PCNX1: variants seen among roughly 807,000 people sequenced by gnomAD.
PCNX1 encodes the protein pecanex-like protein 1.
In PCNX1, 78 loss-of-function variants were observed where a neutral mutation model predicts 242.2. The ratio of observed to expected loss-of-function variants is 0.32; its 90% CI spans 0.27 to 0.39. The LOEUF (loss-of-function observed/expected upper bound fraction) is 0.39, where lower values mean the gene tolerates loss of function less well. Ranked by LOEUF, PCNX1 falls within the 10% of genes least tolerant of loss-of-function variation. The pLI is 1.00. For synonymous variants in PCNX1, 1,024 were observed against 1,032.9 expected (o/e 0.99, Z 0.17); for missense variants, 2,581 against 2,856.5 (o/e 0.90, Z 2.20).
intron 26 of PCNX1, among the ~76,000 whole-genome samples, chr14:71,066,319 G>A (rs983465944): frequency 6.6e-6 from 1 of 152,160 alleles, no homozygotes; most frequent in Admixed American, 6.5e-5. Flanking sequence ...TCCTTGAAGA[G>A]GACCTTCGCA....
chr14:71,105,827 C>T (rs1293303980), intron 33 of PCNX1, among the ~76,000 whole-genome samples: 1 of 151,276 alleles, frequency 6.6e-6, no homozygotes, highest in Non-Finnish European at 1.5e-5. Flanking sequence ...AGGCGTGAGC[C>T]ACCACACCCA....
At chr14:71,103,821 G>A (rs940632018) in intron 32 of PCNX1, 152 bp downstream of exon 32, 5 of 632,182 alleles carry the variant, frequency 7.9e-6, no homozygotes, top group African/African-American at 7.3e-5. Flanking sequence ...AGTAGAATCT[G>A]AGCATTCTTA....
At chr14:70,949,232 T>C (rs1233921210) in intron 2 of PCNX1, among the ~76,000 whole-genome samples, 1 of 128,268 alleles carries the variant, frequency 7.8e-6, no homozygotes, top group Non-Finnish European at 1.7e-5. Context: ...GATATATGTA[T>C]GTGTATATAC....
chr14:70,907,792 T>G lies in PCNX1; in HGVS notation c.-59T>G, dbSNP rs1204796390. 5.0e-6 allele frequency: 6 copies of G among 1,208,444 alleles called. No homozygotes were observed. Among genetic ancestry groups the G allele is most frequent in the Non-Finnish European group, 5.1e-6 (5 of 973,412 alleles). 74.9% of individuals were successfully genotyped at this position (1,208,444 alleles called of 1,614,324 possible). The stretch of plus-strand genomic sequence containing the variant: ...CAGGCTCCGGCGACCGAGGCCGAGC[T>G]GGGGCCGGGGCGGGGACGGCGGCGG... On this transcript the variant is annotated 5_prime_UTR_variant, in exon 1 of 36. Coordinates refer to ENST00000304743, the MANE Select transcript of PCNX1 (RefSeq NM_014982.3).
intron 8 of PCNX1, among the ~76,000 whole-genome samples, chr14:70,996,691 TGAA>T (rs1191076217): frequency 6.6e-6 from 1 of 152,158 alleles, no homozygotes; most frequent in African/African-American, 2.4e-5. Context: ...GTAAATATAA[TGAA>T]GAAAATCTAG....
intron 26 of PCNX1, among the ~76,000 whole-genome samples, chr14:71,065,325 A>T (rs143505437): frequency 6.6e-6 from 1 of 152,264 alleles, no homozygotes; most frequent in Non-Finnish European, 1.5e-5. Flanking sequence ...CTGGCTTGAG[A>T]TGGTATCTCA....
At chr14:71,065,584 A>G (rs1252289108) in intron 26 of PCNX1, among the ~76,000 whole-genome samples, 1 of 152,168 alleles carries the variant, frequency 6.6e-6, no homozygotes, top group Non-Finnish European at 1.5e-5. Context: ...GCTCACTCTA[A>G]TGATAGTTTC....
chr14:70,912,789 G>T (rs2055981864), intron 1 of PCNX1, among the ~76,000 whole-genome samples: 1 of 152,112 alleles, frequency 6.6e-6, no homozygotes, highest in African/African-American at 2.4e-5. Context: ...TACAGTTTGT[G>T]CAGTTTTCCC....
At chr14:70,989,615 C>T (rs780530476) in intron 7 of PCNX1, among the ~76,000 whole-genome samples, 6 of 149,528 alleles carry the variant, frequency 4.0e-5, no homozygotes, top group Admixed American at 6.8e-5. Context: ...CTGCAACCTC[C>T]GCCTCCCAAG....
chr14:70,950,718 G>T (rs575803094), intron 2 of PCNX1, among the ~76,000 whole-genome samples: 65 of 151,570 alleles, frequency 4.3e-4, no homozygotes, highest in African/African-American at 1.5e-3. Flanking sequence ...TAATATTCCC[G>T]TTTTTGAATT....
At chr14:71,043,193 G>A (rs1366291390) in intron 19 of PCNX1, among the ~76,000 whole-genome samples, 1 of 152,092 alleles carries the variant, frequency 6.6e-6, no homozygotes, top group Non-Finnish European at 1.5e-5. Flanking sequence ...TTCCTTGTAT[G>A]TAACTTAACC....
At chr14:70,949,496 C>A (rs1396524666) in intron 2 of PCNX1, among the ~76,000 whole-genome samples, 2 of 151,704 alleles carry the variant, frequency 1.3e-5, no homozygotes, top group African/African-American at 4.8e-5. Flanking sequence ...ACACCTTAAG[C>A]AAATTGTGAT....
chr14:71,013,426 A>G (rs1217825658), intron 11 of PCNX1, among the ~76,000 whole-genome samples: 1 of 152,158 alleles, frequency 6.6e-6, no homozygotes, highest in Non-Finnish European at 1.5e-5. Context: ...CAAAGAAATT[A>G]GTTTTGTTAA....
intron 8 of PCNX1, among the ~76,000 whole-genome samples, chr14:70,996,977 C>T (rs1270905794): frequency 6.6e-6 from 1 of 152,076 alleles, no homozygotes; most frequent in East Asian, 1.9e-4. Flanking sequence ...CTCACAGACA[C>T]TTGAAAATGG....
intron 1 of PCNX1, among the ~76,000 whole-genome samples, chr14:70,934,690 T>A (rs1305816306): frequency 6.6e-6 from 1 of 152,248 alleles, no homozygotes; most frequent in Non-Finnish European, 1.5e-5. Context: ...ATCTTCTTGC[T>A]CACTTTGGAC....
At chr14:70,945,624 C>T (rs1335353852) in intron 1 of PCNX1, among the ~76,000 whole-genome samples, 2 of 151,616 alleles carry the variant, frequency 1.3e-5, no homozygotes. Context: ...CTAAACCTGT[C>T]TGGCCCATAA....
intron 2 of PCNX1, among the ~76,000 whole-genome samples, chr14:70,949,356 T>G: frequency 6.8e-6 from 1 of 146,144 alleles, no homozygotes; most frequent in Non-Finnish European, 1.5e-5. Context: ...CGCACGTGCA[T>G]ATATACATAT....
rs2058168082 is a variant in PCNX1 at position 70,960,464 on chromosome 14, C to T, written c.363-1762C>T. Among the ~76,000 whole-genome samples the T allele has an allele frequency of 4.0e-5, 6 of 151,102 alleles. No individual in the cohort carries two copies. In the South Asian group the frequency reaches 1.2e-3, roughly 31 times the overall value. ...AGAAAAGGCCTTTGACAAAATTCAA[C>T]AACACTTCATGCTAAAAACTCTCAA... On this transcript the variant is annotated intron_variant, in intron 2 of 35. Transcript: ENST00000304743.
chr14:71,099,954 T>C (rs2062418303), intron 30 of PCNX1, among the ~76,000 whole-genome samples: 1 of 152,190 alleles, frequency 6.6e-6, no homozygotes, highest in Non-Finnish European at 1.5e-5. Flanking sequence ...CACCTATGAG[T>C]GTCATTGCAT....
Sources: allele counts gnomAD v4.1 joint callset (sites outside exome capture counted in the v4.1 genomes callset), GRCh38; gene constraint gnomAD v4.1.1; transcripts MANE v1.5; gene names NCBI Gene and HGNC (gene_info 2026-07-23, HGNC 2026-07-21).